Variants in GPC6 observed in about 807,000 individuals in gnomAD.
GPC6 encodes the protein glypican-6.
Under a neutral mutation model 55.2 loss-of-function variants are expected in GPC6, and 14 were observed. The observed-to-expected ratio is 0.25, with a 90% CI of 0.17 to 0.40. The LOEUF is 0.40. Among genes scored for constraint, GPC6 ranks in the 10% least tolerant of loss-of-function variants. The pLI is 1.00. For synonymous variants in GPC6, 278 were observed against 259.6 expected, an observed-to-expected ratio of 1.07 and a Z score of -0.68; for missense variants, 641 against 708.5, an observed-to-expected ratio of 0.90 and a Z score of 1.08.
At position 93,381,177 on chromosome 13, in the gene GPC6, A is replaced by G. The variant is rs548219989; in HGVS notation, c.160+153561A>G. ...AATCATATCATATTAAAAATGAAAT[A>G]TATAGACAAATAATACAGGAATAAG... On this transcript the variant is annotated intron_variant, in intron 1 of 8. Coordinates refer to ENST00000377047, the MANE Select transcript of GPC6 (RefSeq NM_005708.5). Among the ~76,000 whole-genome samples the G allele has an allele frequency of 1.1e-4, 16 of 152,308 alleles. 1 individual carries two copies. The South Asian group carries it at 3.1e-3, about 30-fold the overall frequency.
At chr13:93,451,895 G>C (rs773531138) in intron 1 of GPC6, among the ~76,000 whole-genome samples, 3 of 152,152 alleles carry the variant, frequency 2.0e-5, no homozygotes, top group African/African-American at 4.8e-5. Context: ...TATGATACCA[G>C]AGCAGTGTAT....
chr13:93,339,416 A>T (rs1880159817), intron 1 of GPC6, among the ~76,000 whole-genome samples: 1 of 150,886 alleles, frequency 6.6e-6, no homozygotes, highest in Non-Finnish European at 1.5e-5. Context: ...CTTGCCATCA[A>T]GTGCTCATTT....
At chr13:94,394,425 C>T (rs1418559689) in intron 7 of GPC6, among the ~76,000 whole-genome samples, 1 of 152,170 alleles carries the variant, frequency 6.6e-6, no homozygotes, top group Non-Finnish European at 1.5e-5. Flanking sequence ...TCTATGTCTC[C>T]CAGGGATATG....
intron 4 of GPC6, among the ~76,000 whole-genome samples, chr13:94,218,931 C>T (rs935055189): frequency 5.3e-5 from 8 of 152,038 alleles, no homozygotes; most frequent in African/African-American, 1.9e-4. Flanking sequence ...CTGGAAGACA[C>T]CTGGAGAAAC....
At chr13:93,580,998 G>A (rs549762232) in intron 2 of GPC6, among the ~76,000 whole-genome samples, 28 of 151,988 alleles carry the variant, frequency 1.8e-4, no homozygotes, top group Non-Finnish European at 3.8e-4. Flanking sequence ...TAAAAGTATG[G>A]AGTTTTCTGA....
intron 3 of GPC6, among the ~76,000 whole-genome samples, chr13:93,837,436 G>A (rs992064155): frequency 6.6e-6 from 1 of 152,162 alleles, no homozygotes; most frequent in African/African-American, 2.4e-5. Flanking sequence ...GAGATAGGTG[G>A]TTATGATAAT....
intron 6 of GPC6, among the ~76,000 whole-genome samples, chr13:94,381,758 A>AG (rs570529700): frequency 2.6e-4 from 40 of 152,332 alleles, no homozygotes; most frequent in Non-Finnish European, 3.8e-4. Flanking sequence ...GTTCAGCCTG[A>AG]AGACACTTAA....
intron 3 of GPC6, among the ~76,000 whole-genome samples, chr13:93,856,064 A>G (rs111753273): frequency 1.3e-5 from 2 of 151,632 alleles, no homozygotes; most frequent in African/African-American, 4.8e-5. Context: ...TCTTTCATGG[A>G]TCATGCCTTT....
chr13:93,910,232 A>T (rs926162320), intron 3 of GPC6, among the ~76,000 whole-genome samples: 22 of 152,066 alleles, frequency 1.4e-4, no homozygotes, highest in Non-Finnish European at 2.5e-4. Flanking sequence ...TGTTCTTATG[A>T]TAGTGAATAA....
intron 2 of GPC6, among the ~76,000 whole-genome samples, chr13:93,693,044 G>A (rs1441115477): frequency 6.6e-6 from 1 of 151,970 alleles, no homozygotes; most frequent in Non-Finnish European, 1.5e-5. Flanking sequence ...AAATAATAAA[G>A]GACTATGTAA....
chr13:93,766,452 T>C (rs1479745138), intron 2 of GPC6, among the ~76,000 whole-genome samples: 1 of 152,180 alleles, frequency 6.6e-6, no homozygotes, highest in African/African-American at 2.4e-5. Flanking sequence ...ATATTGTGCA[T>C]TTAAAATTTT....
intron 1 of GPC6, among the ~76,000 whole-genome samples, chr13:93,282,156 G>T (rs569601963): frequency 6.6e-6 from 1 of 152,194 alleles, no homozygotes; most frequent in African/African-American, 2.4e-5. Context: ...ATTATTTCTT[G>T]GGACCAAATG....
At chr13:94,171,191 T>C (rs1888557855) in intron 4 of GPC6, among the ~76,000 whole-genome samples, 1 of 152,200 alleles carries the variant, frequency 6.6e-6, no homozygotes, top group Admixed American at 6.5e-5. Context: ...ATTCTGCTAC[T>C]GAAGTACTGA....
intron 2 of GPC6, among the ~76,000 whole-genome samples, chr13:93,605,728 G>A (rs1442354283): frequency 6.6e-6 from 1 of 150,510 alleles, no homozygotes; most frequent in African/African-American, 2.5e-5. Context: ...TCTAATCCCA[G>A]CTGCTCAGGA....
chr13:94,191,483 C>T (rs772679106), intron 4 of GPC6, among the ~76,000 whole-genome samples: 1 of 151,954 alleles, frequency 6.6e-6, no homozygotes, highest in Non-Finnish European at 1.5e-5. Context: ...AGAGCTGAGT[C>T]GGTAAGTGTA....
intron 2 of GPC6, among the ~76,000 whole-genome samples, chr13:93,746,790 A>T (rs908056810): frequency 5.3e-5 from 8 of 152,192 alleles, no homozygotes; most frequent in African/African-American, 1.9e-4. Context: ...TTCAAAGCCT[A>T]CTCTTGACAC....
At chr13:93,745,219 T>TCAGCCTTC (rs1220188514) in intron 2 of GPC6, among the ~76,000 whole-genome samples, 1 of 152,164 alleles carries the variant, frequency 6.6e-6, no homozygotes, top group Admixed American at 6.5e-5. Context: ...TTTTTTCCTT[T>TCAGCCTTC]CAGCCTTCCA....
At chr13:94,098,469 A>G (rs1275080401) in intron 4 of GPC6, among the ~76,000 whole-genome samples, 1 of 152,206 alleles carries the variant, frequency 6.6e-6, no homozygotes, top group South Asian at 2.1e-4. Context: ...CAAAATCAAT[A>G]TCATCCTTTT....
intron 2 of GPC6, among the ~76,000 whole-genome samples, chr13:93,751,850 C>T (rs192408699): frequency 2.0e-3 from 301 of 152,202 alleles, no homozygotes; most frequent in African/African-American, 7.0e-3. Context: ...TCTTCCTCCC[C>T]CATTGGCCTA....
Sources: gnomAD v4.1 joint callset for allele counts (sites outside exome capture counted in the v4.1 genomes callset) on GRCh38, gnomAD v4.1.1 for gene constraint, MANE v1.5 for transcripts, NCBI Gene and HGNC (gene_info 2026-07-23, HGNC 2026-07-21) for gene names.